PDGFRA: variants seen among roughly 807,000 people sequenced by gnomAD.
PDGFRA encodes the protein platelet derived growth factor receptor alpha, also known as platelet-derived growth factor receptor alpha.
In PDGFRA, 25 loss-of-function variants were observed where a neutral mutation model predicts 121.5. The ratio of observed to expected loss-of-function variants is 0.21; its 90% confidence interval spans 0.15 to 0.29. The LOEUF (loss-of-function observed/expected upper bound fraction) is 0.29. Ranked by LOEUF, PDGFRA falls within the 10% of genes least tolerant of loss-of-function variation. PDGFRA has a pLI of 1.00. For synonymous variants in PDGFRA, 463 were observed against 494.8 expected (o/e 0.94, Z 0.85); for missense variants, 1,008 against 1,345.1 (o/e 0.75, Z 3.92).
chr4:54,255,756 C>T (rs1188378721), intron 1 of PDGFRA, among the ~76,000 whole-genome samples: 1 of 152,112 alleles, frequency 6.6e-6, no homozygotes, highest in African/African-American at 2.4e-5. Context: ...CTGCCCGCCT[C>T]AGCCTCCCAA....
chr4:54,280,051 C>T (rs1723982551), intron 15 of PDGFRA, among the ~76,000 whole-genome samples: 1 of 152,104 alleles, frequency 6.6e-6, no homozygotes, highest in African/African-American at 2.4e-5. Flanking sequence ...CATGTGTGTG[C>T]AAGTATCTTT....
chr4:54,281,860 T>G, intron 16 of PDGFRA: 1 of 1,229,586 alleles, frequency 8.1e-7, no homozygotes, highest in Non-Finnish European at 1.0e-6. Flanking sequence ...AGGAAAGTCA[T>G]TGGCACTGAT....
Position 54,267,649 on chromosome 4 carries a change from A to G in PDGFRA, c.1029A>G (p.Pro343=), listed in dbSNP as rs1723115712. The G allele has an allele frequency of 6.2e-7, 1 of 1,613,822 alleles. No homozygotes were observed. Among genetic ancestry groups the G allele is most frequent in the Non-Finnish European group, 8.5e-7 (1 of 1,179,868 alleles). The change falls in exon 7 of 23, where the codon CCA becomes CCG. Residue 343 remains proline (P), a synonymous_variant. Coordinates refer to ENST00000257290, the MANE Select transcript of PDGFRA (RefSeq NM_006206.6). ...KHFVVEVRAY[P]PPRISWLKNN... ...TTGTTGTAGAGGTGCGGGCCTACCC[A>G]CCTCCCAGGATATCCTGGCTGAAAA...
chr4:54,242,106 G>T (rs946873622), intron 1 of PDGFRA, among the ~76,000 whole-genome samples: 2 of 152,140 alleles, frequency 1.3e-5, no homozygotes, highest in Admixed American at 1.3e-4. Flanking sequence ...TTCAGGCTGT[G>T]GCTCAATAGC....
chr4:54,252,267 T>C (rs1023023376), intron 1 of PDGFRA, among the ~76,000 whole-genome samples: 5 of 152,216 alleles, frequency 3.3e-5, no homozygotes, highest in African/African-American at 1.2e-4. Flanking sequence ...AAAGCCTTCT[T>C]ATTTAGTTTA....
Position 54,287,320 on chromosome 4 carries a change from G to C in PDGFRA, c.2563-110G>C, listed in dbSNP as rs181251731. 2.2e-4 allele frequency: 165 copies of C among 765,180 alleles called. No homozygotes were observed. The African/African-American group carries it at 2.3e-3, about 11-fold the overall frequency. 47.4% of individuals were successfully genotyped at this position (765,180 alleles called of 1,614,324 possible). ...TGTAAAAGACACTCAAATGGGACAAGATAATTAGCACAAGTTATTAAGAGC... is the reference window on the plus strand; with the variant it reads ...TGTAAAAGACACTCAAATGGGACAACATAATTAGCACAAGTTATTAAGAGC... On this transcript the variant is annotated intron_variant, in intron 18 of 22. Transcript: ENST00000257290.
intron 19 of PDGFRA, 83 bp downstream of exon 19, chr4:54,287,624 T>TAGAC (rs1376563418): frequency 1.3e-6 from 1 of 773,720 alleles, no homozygotes; most frequent in Non-Finnish European, 2.4e-6. Context: ...CCCCAGGATG[T>TAGAC]AGACAGTGTT....
chr4:54,279,974 T>G (rs960876702), intron 15 of PDGFRA, among the ~76,000 whole-genome samples: 9 of 152,036 alleles, frequency 5.9e-5, no homozygotes, highest in Non-Finnish European at 1.0e-4. Flanking sequence ...CTTTATCCAC[T>G]CCTTGATTGA....
intron 1 of PDGFRA, among the ~76,000 whole-genome samples, chr4:54,243,823 G>T (rs907560536): frequency 1.1e-4 from 16 of 152,342 alleles, no homozygotes; most frequent in Middle Eastern, 3.4e-3. Flanking sequence ...AAAGAAAGGG[G>T]TGACAGACGG....
intron 8 of PDGFRA, among the ~76,000 whole-genome samples, chr4:54,271,300 GA>G (rs1377941709): frequency 1.3e-5 from 2 of 152,202 alleles, no homozygotes; most frequent in Admixed American, 6.5e-5. Context: ...GGTGCTGTCT[GA>G]GGTGCGCTCA....
At chr4:54,235,396 C>A (rs191246957) in intron 1 of PDGFRA, among the ~76,000 whole-genome samples, 44 of 150,638 alleles carry the variant, frequency 2.9e-4, no homozygotes, top group African/African-American at 1.0e-3. Flanking sequence ...GGAAATAGAG[C>A]CTTGCATTGC....
At chr4:54,232,784 C>T (rs1274904114) in intron 1 of PDGFRA, among the ~76,000 whole-genome samples, 1 of 152,202 alleles carries the variant, frequency 6.6e-6, no homozygotes, top group Non-Finnish European at 1.5e-5. Context: ...GGGGTTTCAC[C>T]ATATTGGCCA....
chr4:54,291,989 A>G (rs1724656328), intron 22 of PDGFRA, among the ~76,000 whole-genome samples: 1 of 152,198 alleles, frequency 6.6e-6, no homozygotes, highest in African/African-American at 2.4e-5. Flanking sequence ...CACCAGTCAG[A>G]ATGGCTATTA....
chr4:54,248,456 G>T (rs60398195), intron 1 of PDGFRA, among the ~76,000 whole-genome samples: 3 of 152,172 alleles, frequency 2.0e-5, no homozygotes. Context: ...AGAAAAACAA[G>T]CAATGGGGAA....
At chr4:54,264,742 T>C (rs1381376642) in intron 4 of PDGFRA, 177 bp from the exon 5 acceptor site, 8 of 583,580 alleles carry the variant, frequency 1.4e-5, no homozygotes, top group Non-Finnish European at 2.4e-5. Context: ...ATATGCCTAA[T>C]TGTTGTACAC....
intron 1 of PDGFRA, among the ~76,000 whole-genome samples, chr4:54,232,455 G>A (rs1720739281): frequency 6.6e-6 from 1 of 152,218 alleles, no homozygotes; most frequent in South Asian, 2.1e-4. Context: ...GACTTGGGGC[G>A]CCTCCTTCCC....
chr4:54,288,925 C>A (rs766160189), intron 20 of PDGFRA, 27 bp downstream of exon 20: 1 of 1,556,208 alleles, frequency 6.4e-7, no homozygotes, highest in Non-Finnish European at 8.9e-7. Context: ...TCCCGGGGGC[C>A]TGTGTTCACA....
intron 1 of PDGFRA, among the ~76,000 whole-genome samples, chr4:54,252,396 C>A (rs1457805763): frequency 6.6e-6 from 1 of 152,122 alleles, no homozygotes; most frequent in Non-Finnish European, 1.5e-5. Context: ...ACTTATTAAT[C>A]TTCCAGATTT....
intron 1 of PDGFRA, among the ~76,000 whole-genome samples, chr4:54,240,357 G>C (rs1425960472): frequency 1.3e-5 from 2 of 152,126 alleles, no homozygotes; most frequent in Admixed American, 6.6e-5. Flanking sequence ...CATGCTTTTG[G>C]GTTTCACTAT....
Sources: allele counts gnomAD v4.1 joint callset (sites outside exome capture counted in the v4.1 genomes callset), GRCh38; gene constraint gnomAD v4.1.1; transcripts MANE v1.5; gene names NCBI Gene and HGNC (gene_info 2026-07-23, HGNC 2026-07-21).